DEAF1: variants seen among roughly 807,000 people sequenced by gnomAD.
The protein encoded by DEAF1 is DEAF1 transcription factor.
Under a neutral mutation model 58.9 loss-of-function variants are expected in DEAF1, and 53 were observed. That is an observed-to-expected ratio of 0.90 (90% confidence interval 0.72 to 1.13). The LOEUF (loss-of-function observed/expected upper bound fraction) is 1.13, where lower values mean the gene tolerates loss of function less well. DEAF1 is among the 50% of genes most tolerant of loss of function. The pLI is 0.00. For synonymous variants in DEAF1, 385 were observed against 340.4 expected, an observed-to-expected ratio of 1.13 and a Z score of -1.44; for missense variants, 685 against 791.4, an observed-to-expected ratio of 0.87 and a Z score of 1.61.
At chr11:705,833 C>G (rs1471126997) in intron 1 of DEAF1, among the ~76,000 whole-genome samples, 1 of 152,214 alleles carries the variant, frequency 6.6e-6, no homozygotes, top group Non-Finnish European at 1.5e-5. Flanking sequence ...GCAGCGTTCC[C>G]CCGTCCCCCG....
At chr11:674,345 TAAC>T (rs1366369620) in intron 10 of DEAF1, 188 bp downstream of exon 10, 19 of 820,458 alleles carry the variant, frequency 2.3e-5, no homozygotes, top group Non-Finnish European at 3.1e-5. Context: ...AAAACCACCT[TAAC>T]AACAATAGCT....
chr11:645,930 A>G (rs1858473552), intron 11 of DEAF1, among the ~76,000 whole-genome samples: 1 of 152,170 alleles, frequency 6.6e-6, no homozygotes, highest in Non-Finnish European at 1.5e-5. Context: ...TATTCCCTAG[A>G]GAGCAGAATT....
At chr11:651,139 T>C (rs11246239) in intron 11 of DEAF1, 13,156 of 155,106 alleles carry the variant, frequency 0.085, 680 homozygotes, top group Admixed American at 0.18. Flanking sequence ...ATTTTTGTGT[T>C]TTTAGTAGAG....
At chr11:704,719 C>T (rs1255849465) in intron 1 of DEAF1, 3 of 1,185,666 alleles carry the variant, frequency 2.5e-6, no homozygotes, top group Non-Finnish European at 2.2e-6. Flanking sequence ...AACGCCATGG[C>T]TCCAGGTGAC....
intron 10 of DEAF1, among the ~76,000 whole-genome samples, chr11:661,440 A>G (rs1859315999): frequency 6.6e-6 from 1 of 151,920 alleles, no homozygotes; most frequent in African/African-American, 2.4e-5. Context: ...CCAGGCACCG[A>G]GGCTCATGCC....
At chr11:703,769 A>AT in intron 1 of DEAF1, 1 of 1,232,980 alleles carries the variant, frequency 8.1e-7, no homozygotes. Context: ...CTGCCTAGCA[A>AT]TTTCCATCTT....
At chr11:701,702 C>T (rs1395977235) in intron 1 of DEAF1, among the ~76,000 whole-genome samples, 1 of 152,134 alleles carries the variant, frequency 6.6e-6, no homozygotes, top group Non-Finnish European at 1.5e-5. Context: ...AGCCACCGCG[C>T]CCGGCCGGAG....
At position 681,057 on chromosome 11, in the gene DEAF1, T is replaced by C. The variant is rs1457412479; in HGVS notation, c.903A>G (p.Lys301=). 5 of 1,613,942 alleles carry C rather than the reference T, an allele frequency of 3.1e-6. No homozygotes were observed. Among genetic ancestry groups the C allele is most frequent in the African/African-American group, 2.7e-5 (2 of 74,880 alleles). ...SGPVRLFVPY[K]RRKKENELPT... The stretch of plus-strand genomic sequence containing the variant: ...GCAGTTCATTCTCCTTCTTGCGCCT[T>C]TTGTAAGGCACAAAAAGCCTGACTG... Residue 301 remains lysine, a synonymous_variant, in exon 7 of 12, where the codon AAA becomes AAG. Coordinates refer to ENST00000382409, the MANE Select transcript of DEAF1 (RefSeq NM_021008.4).
At position 644,979 on chromosome 11, in the gene DEAF1, A is replaced by C. The variant is rs895431796; in HGVS notation, c.1594-325T>G. Among the ~76,000 whole-genome samples the C allele has an allele frequency of 1.3e-5, 2 of 152,088 alleles. No homozygotes were observed. The highest frequency in any genetic ancestry group is 2.9e-5 in the Non-Finnish European group (2 of 68,002). The stretch of plus-strand genomic sequence containing the variant: ...GGAGTTCGAGACCAGCCTGGCCAAC[A>C]TGGTGAAACCCCGTATCTACTAAAA... On this transcript the variant is annotated intron_variant, in intron 11 of 11. Transcript: ENST00000382409. The surrounding 1 kb of genome is among the most constrained non-coding windows in gnomAD (Gnocchi z 4.3).
At chr11:704,474 A>G (rs960674167) in intron 1 of DEAF1, 8 of 1,288,846 alleles carry the variant, frequency 6.2e-6, no homozygotes, top group Non-Finnish European at 8.1e-6. Flanking sequence ...AGCCCTGAGG[A>G]CCCACTTCAC....
intron 1 of DEAF1, chr11:704,971 G>T (rs1388925602): frequency 3.1e-6 from 1 of 319,386 alleles, no homozygotes; most frequent in Non-Finnish European, 6.1e-6. Context: ...GCAAGCTCAT[G>T]CATGGAGCAG....
At chr11:702,330 C>T (rs147453931) in intron 1 of DEAF1, among the ~76,000 whole-genome samples, 300 of 152,352 alleles carry the variant, frequency 2.0e-3, no homozygotes, top group African/African-American at 6.8e-3. Context: ...CACAGAGGCC[C>T]GGTTCTTGGC....
chr11:699,137 G>A (rs575644339), upstream of DEAF1: 6 of 501,736 alleles, frequency 1.2e-5, no homozygotes, highest in South Asian at 3.4e-5. Flanking sequence ...CTCCCAAGGC[G>A]ATGGCCACCT....
At chr11:665,213 G>C (rs974419849) in intron 10 of DEAF1, among the ~76,000 whole-genome samples, 6,442 of 73,562 alleles carry the variant, frequency 0.088, 1,276 homozygotes, top group African/African-American at 0.25. Flanking sequence ...GTCACTCTAA[G>C]TAAGTCCTGG....
intron 5 of DEAF1, 38 bp from the exon 6 acceptor site, chr11:685,001 A>G: frequency 6.6e-7 from 1 of 1,509,834 alleles, no homozygotes; most frequent in South Asian, 1.2e-5. Flanking sequence ...TTAGCAAGTC[A>G]GCCCCTAAAT....
intron 10 of DEAF1, among the ~76,000 whole-genome samples, chr11:662,579 G>A (rs1397062728): frequency 1.3e-5 from 2 of 152,176 alleles, no homozygotes; most frequent in African/African-American, 4.8e-5. Context: ...CCGCGTTGCT[G>A]TTGCTGCAGG....
upstream of DEAF1, chr11:697,867 T>G (rs1036074191): frequency 5.9e-5 from 9 of 152,276 alleles, no homozygotes; most frequent in African/African-American, 2.2e-4. Context: ...GTCCTGTATT[T>G]ACTGGCTTAA....
At chr11:689,234 C>G (rs1192085491) in intron 2 of DEAF1, among the ~76,000 whole-genome samples, 2 of 123,788 alleles carry the variant, frequency 1.6e-5, no homozygotes, top group African/African-American at 6.0e-5. Context: ...GAGACGGAGA[C>G]TCGTTCTGTC....
chr11:665,776 G>A (rs1218442771), intron 10 of DEAF1: 1 of 152,188 alleles, frequency 6.6e-6, no homozygotes, highest in Non-Finnish European at 1.5e-5. Context: ...GGCTTCTCCT[G>A]GAGGCAGCCC....
Sources: gnomAD v4.1 joint callset for allele counts (sites outside exome capture counted in the v4.1 genomes callset) on GRCh38, gnomAD v4.1.1 for gene constraint, Gnocchi (gnomAD v3.1) non-coding constraint, MANE v1.5 for transcripts, NCBI Gene and HGNC (gene_info 2026-07-23, HGNC 2026-07-21) for gene names.